AGO4: variants seen among roughly 807,000 people sequenced by gnomAD.
AGO4 encodes the protein protein argonaute-4.
AGO4 carries 33 observed loss-of-function variants against 104.7 expected under a neutral mutation model. The ratio of observed to expected loss-of-function variants is 0.32; its 90% CI spans 0.24 to 0.42. The LOEUF (loss-of-function observed/expected upper bound fraction) is 0.42. Among genes scored for constraint, AGO4 ranks in the 10% least tolerant of loss-of-function variants. AGO4 has a pLI of 1.00. For synonymous variants in AGO4, 331 were observed against 364.7 expected (o/e 0.91, Z 1.05); for missense variants, 711 against 1,083.4 (o/e 0.66, Z 4.83).
chr1:35,834,020 T>C lies in AGO4; in HGVS notation c.1410T>C (p.Ser470=). The stretch of plus-strand genomic sequence containing the variant: ...TCACTGACCAGCTGCGTAAAATCTC[T>C]AAGGATGCAGGAATGCCCATCCAGG... The part of the protein sequence containing the change: ...KSFTDQLRKI[S]KDAGMPIQGQ... The change falls in exon 12 of 18, where the codon TCT becomes TCC. Residue 470 remains serine (S), a synonymous_variant. Transcript: ENST00000373210. 6.3e-7 allele frequency: 1 copy of C among 1,589,332 alleles called. No individual in the cohort carries two copies.
chr1:35,825,502 C>G lies in AGO4; in HGVS notation c.488+8C>G, dbSNP rs1643997057. 1 of 1,609,668 alleles carries G rather than the reference C, an allele frequency of 6.2e-7. No homozygotes were observed. The highest frequency in any genetic ancestry group is 8.5e-7 in the Non-Finnish European group (1 of 1,177,668). On this transcript the variant is annotated splice_region_variant and intron_variant, in intron 4 of 17. Transcript: ENST00000373210. ...ACACCTTCCCTCCATGAGGTTAGTA[C>G]CTTGGTTTGGATTATTTCCTACAAA...
At chr1:35,840,404 T>TG (rs1571299449) in intron 13 of AGO4, among the ~76,000 whole-genome samples, 3 of 151,910 alleles carry the variant, frequency 2.0e-5, no homozygotes, top group African/African-American at 7.3e-5. Context: ...TCAAGTGATC[T>TG]GCCTGCCTCA....
At chr1:35,824,042 C>G (rs1643949874) in intron 3 of AGO4, among the ~76,000 whole-genome samples, 2 of 152,198 alleles carry the variant, frequency 1.3e-5, no homozygotes, top group South Asian at 4.1e-4. Flanking sequence ...CAAAGTACTA[C>G]CTGAATCTGA....
chr1:35,823,013 C>A, intron 3 of AGO4, 31 bp downstream of exon 3: 1 of 1,603,436 alleles, frequency 6.2e-7, no homozygotes, highest in South Asian at 1.1e-5. Context: ...ATACTTAGTT[C>A]ATTTAGTAGT....
intron 1 of AGO4, among the ~76,000 whole-genome samples, chr1:35,811,741 T>A (rs867129502): frequency 2.7e-4 from 41 of 152,054 alleles, no homozygotes; most frequent in Middle Eastern, 3.4e-3. Flanking sequence ...TAGCTGGGAT[T>A]ACAGGCACCC....
Position 35,831,802 on chromosome 1 carries a change from C to T in AGO4, c.997-10C>T, listed in dbSNP as rs773879597. ...TTTACACAAACCAATTTCTCTTTGT[C>T]TCTTGGCAGGTCTGTAATATAGTGG... On this transcript the variant is annotated splice_polypyrimidine_tract_variant and intron_variant, in intron 8 of 17. Coordinates refer to ENST00000373210, the MANE Select transcript of AGO4 (RefSeq NM_017629.4). The T allele has an allele frequency of 6.2e-6, 10 of 1,613,886 alleles. No homozygotes were observed. Among genetic ancestry groups the T allele is most frequent in the Non-Finnish European group, 6.8e-6 (8 of 1,179,914 alleles).
rs1261061917 is a variant in AGO4 at position 35,832,131 on chromosome 1, G to A, written c.1191G>A (p.Met397Ile). ...KEFGIVVHNE[M>I]TELTGRVLPA... ...TTGGTATTGTTGTCCACAATGAAAT[G>A]ACAGAGCTCACAGGCAGGGTACTTC... Residue 397 changes from methionine to isoleucine, a missense_variant, in exon 10 of 18, where the codon ATG becomes ATA. Physicochemically the swap from Met to Ile is conservative, Grantham distance 10. Around this residue, in one of 3 missense-constraint regions of AGO4, gnomAD observed 401 missense variants for 665.5 expected, o/e 0.60. Coordinates refer to ENST00000373210, the MANE Select transcript of AGO4 (RefSeq NM_017629.4). 4 of 1,614,038 alleles carry A rather than the reference G, an allele frequency of 2.5e-6. No individual in the cohort carries two copies. Among genetic ancestry groups the A allele is most frequent in the African/African-American group, 1.3e-5 (1 of 74,914 alleles).
intron 13 of AGO4, among the ~76,000 whole-genome samples, chr1:35,837,915 C>G (rs1168010385): frequency 6.6e-6 from 1 of 152,124 alleles, no homozygotes; most frequent in Non-Finnish European, 1.5e-5. Context: ...CAAGGTCTCA[C>G]TCTGTCACCC....
intron 16 of AGO4, 40 bp from the exon 17 acceptor site, chr1:35,850,814 G>GAA (rs751273801): frequency 2.3e-5 from 25 of 1,097,680 alleles, no homozygotes; most frequent in East Asian, 9.3e-5. Context: ...AACAAAAAAC[G>GAA]AACAAAAAAA....
intron 11 of AGO4, among the ~76,000 whole-genome samples, chr1:35,832,797 G>C (rs1298583717): frequency 6.6e-6 from 1 of 152,108 alleles, no homozygotes; most frequent in Non-Finnish European, 1.5e-5. Flanking sequence ...TGAGTAACAA[G>C]GTGGAGACAA....
chr1:35,810,236 C>T (rs1643455610), intron 1 of AGO4, among the ~76,000 whole-genome samples: 1 of 152,216 alleles, frequency 6.6e-6, no homozygotes, highest in African/African-American at 2.4e-5. Context: ...GTTGCAGTAC[C>T]TTGGAAACCC....
chr1:35,818,649 GAAA>G (rs57899057), intron 2 of AGO4, among the ~76,000 whole-genome samples: 3,599 of 113,962 alleles, frequency 0.032, 60 homozygotes, highest in Non-Finnish European at 0.041. Context: ...AAGAAAGAAA[GAAA>G]GAAAGAAAGG....
chr1:35,855,613 G>C lies in AGO4; in HGVS notation c.*2008G>C, dbSNP rs546800455. 1.3e-5 allele frequency: 2 copies of C among 152,302 alleles called. No individual in the cohort carries two copies. Among genetic ancestry groups the C allele is most frequent in the East Asian group, 3.9e-4 (2 of 5,168 alleles). 9.4% of individuals were successfully genotyped at this position (152,302 alleles called of 1,614,324 possible). A position where few individuals can be genotyped will look rare whatever the true frequency, so the allele number is the denominator to read the frequency against. ...GTAAAATGAAGCACAACATAGCCAG[G>C]AGTGAAGAGATGGCAGATGTTAATT... is the stretch of plus-strand genomic sequence containing the variant. On this transcript the variant is annotated 3_prime_UTR_variant, in exon 18 of 18. Transcript: ENST00000373210.
intron 17 of AGO4, 66 bp downstream of exon 17, chr1:35,851,119 A>C: frequency 6.8e-7 from 1 of 1,464,836 alleles, no homozygotes; most frequent in Non-Finnish European, 9.2e-7. Context: ...AATGAGCTAC[A>C]ATAGAAAACT....
intron 8 of AGO4, 65 bp from the exon 9 acceptor site, chr1:35,831,747 G>A: frequency 1.3e-6 from 2 of 1,591,222 alleles, no homozygotes; most frequent in Non-Finnish European, 8.5e-7. Context: ...TATAAGATAT[G>A]GTTTGGCAAA....
chr1:35,836,137 A>T, intron 13 of AGO4, 144 bp downstream of exon 13: 1 of 913,886 alleles, frequency 1.1e-6, no homozygotes, highest in Non-Finnish European at 1.6e-6. Flanking sequence ...CCAGATAAAG[A>T]TATAGAACAT....
intron 3 of AGO4, 80 bp downstream of exon 3, chr1:35,823,062 A>G (rs184872661): frequency 6.6e-7 from 1 of 1,511,984 alleles, no homozygotes; most frequent in South Asian, 1.2e-5. Context: ...TCTTCCCAAC[A>G]CACACAAAAA....
At chr1:35,835,183 A>C (rs1644281890) in intron 12 of AGO4, among the ~76,000 whole-genome samples, 1 of 151,150 alleles carries the variant, frequency 6.6e-6, no homozygotes, top group African/African-American at 2.4e-5. Context: ...CAGCCCCCCC[A>C]AGTACTGGGA....
intron 7 of AGO4, among the ~76,000 whole-genome samples, chr1:35,828,079 T>G (rs994488299): frequency 2.6e-5 from 4 of 151,830 alleles, no homozygotes; most frequent in Non-Finnish European, 5.9e-5. Context: ...GCTCAAAAGG[T>G]CTATTAAGGC....
Sources: allele counts gnomAD v4.1 joint callset (sites outside exome capture counted in the v4.1 genomes callset), GRCh38; gene constraint gnomAD v4.1.1; regional missense constraint gnomAD v4.1.1; transcripts MANE v1.5; gene names NCBI Gene and HGNC (gene_info 2026-07-23, HGNC 2026-07-21).